The following SLC6A18 variants were observed in gnomAD, a reference collection of about 807,000 sequenced individuals.
SLC6A18 encodes the protein inactive sodium-dependent neutral amino acid transporter B(0)AT3.
A neutral mutation model predicts 62.9 loss-of-function variants in SLC6A18; 58 were observed. The ratio of observed to expected loss-of-function variants is 0.92; its 90% CI spans 0.75 to 1.15. The LOEUF is 1.15. Among genes scored for constraint, SLC6A18 ranks in the 50% most tolerant of loss-of-function variants. The probability of loss-of-function intolerance (pLI) is 0.00; values close to 1 mark genes in which losing one functional copy is unlikely to be tolerated. For missense variants in SLC6A18, 793 were observed against 836.6 expected, an observed-to-expected ratio of 0.95 and a Z score of 0.64; for synonymous variants, 382 against 365.8, an observed-to-expected ratio of 1.04 and a Z score of -0.51.
At chr5:1,231,091 T>C (rs994074284) in intron 1 of SLC6A18, among the ~76,000 whole-genome samples, 7 of 152,152 alleles carry the variant, frequency 4.6e-5, no homozygotes, top group African/African-American at 1.7e-4. Flanking sequence ...GAGGTCAAAT[T>C]GCAGGAATCG....
intron 2 of SLC6A18, 76 bp downstream of exon 2, chr5:1,232,435 G>T: frequency 6.5e-7 from 1 of 1,530,204 alleles, no homozygotes; most frequent in East Asian, 2.3e-5. Context: ...TGGGGCGGGG[G>T]CGGGTCCATG....
chr5:1,232,188 T>G, intron 1 of SLC6A18, 31 bp from the exon 2 acceptor site: 4 of 1,515,222 alleles, frequency 2.6e-6, no homozygotes, highest in Non-Finnish European at 3.6e-6. Flanking sequence ...CCCCCGACCC[T>G]GGGCAGGTGC....
rs777767601 is a variant in SLC6A18, at chr5:1,240,602, C to T, written c.917C>T (p.Ala306Val). 19 of 1,614,102 alleles carry T rather than the reference C, an allele frequency of 1.2e-5. No individual in the cohort carries two copies. Among genetic ancestry groups the T allele is most frequent in the Non-Finnish European group, 1.6e-5 (19 of 1,180,052 alleles). Reference protein sequence around the residue: ...NRMTSLYASIAVFSVLGFKAT... With the variant: ...NRMTSLYASIVVFSVLGFKAT... The stretch of plus-strand genomic sequence containing the variant: ...ATGACCTCCCTGTACGCGTCCATCG[C>T]TGTCTTCTCTGTCCTGGGGTTCAAA... Residue 306 changes from alanine to valine, a missense_variant, in exon 7 of 12, where the codon GCT (alanine) becomes GTT (valine). Physicochemically the swap from Ala to Val is moderately conservative, Grantham distance 64. Transcript: ENST00000324642.
chr5:1,243,471 G>A lies in SLC6A18; in HGVS notation c.1132-84G>A. On this transcript the variant is annotated intron_variant, in intron 8 of 11. Coordinates refer to ENST00000324642, the MANE Select transcript of SLC6A18 (RefSeq NM_182632.3). This position sits in a 1 kb window ranked among gnomAD's most constrained non-coding sequence, Gnocchi z 6.5. ...GTGCACTCGTGTCCTCGGCCTGGGA[G>A]AGTGTGTGTCCTGCAGGCAGGCGTG... is the stretch of plus-strand genomic sequence containing the variant. 1 of 1,478,578 alleles carries A rather than the reference G, an allele frequency of 6.8e-7. No individual in the cohort carries two copies. Among genetic ancestry groups the A allele is most frequent in the Non-Finnish European group, 9.3e-7 (1 of 1,078,440 alleles). 91.6% of individuals were successfully genotyped at this position (1,478,578 alleles called of 1,614,324 possible). A position where few individuals can be genotyped will look rare whatever the true frequency, so the allele number is the denominator to read the frequency against.
Position 1,243,659 on chromosome 5 carries a change from C to T in SLC6A18, c.1236C>T (p.Thr412=). The change falls in exon 9 of 12, where the codon ACC becomes ACT. Residue 412 remains threonine, a synonymous_variant. Transcript: ENST00000324642. The surrounding 1 kb of genome is among the most constrained non-coding windows in gnomAD (Gnocchi z 6.5). ...TGCTCTTCTTCGGGATGCTGTTCAC[C>T]TTGGGGCTATCGACCATGTTCGGGA... ...WAMLFFGMLF[T]LGLSTMFGTV... 6.2e-7 allele frequency: 1 copy of T among 1,614,092 alleles called. No individual in the cohort carries two copies. Among genetic ancestry groups the T allele is most frequent in the African/African-American group, 1.3e-5 (1 of 75,048 alleles).
chr5:1,244,178 C>T lies in SLC6A18; in HGVS notation c.1337-36C>T, dbSNP rs199930856. On this transcript the variant is annotated intron_variant, in intron 9 of 11. Coordinates refer to ENST00000324642, the MANE Select transcript of SLC6A18 (RefSeq NM_182632.3). ...CCCTCCCCACACCTCCACTCCCCATCCCCTTACCCCCCACACCCCTTTCCC... is the reference window on the plus strand; with the variant it reads ...CCCTCCCCACACCTCCACTCCCCATTCCCTTACCCCCCACACCCCTTTCCC... 3.8e-4 allele frequency: 223 copies of T among 593,870 alleles called. 1 individual carries two copies. In the African/African-American group the frequency reaches 4.1e-3, roughly 11 times the overall value. The allele number at this position is 593,870 out of a possible 1,614,324, so 36.8% of individuals were successfully genotyped here.
At chr5:1,238,264 T>C (rs866476448) in intron 5 of SLC6A18, among the ~76,000 whole-genome samples, 8 of 58,378 alleles carry the variant, frequency 1.4e-4, no homozygotes, top group Admixed American at 3.3e-4. Context: ...GGAGTGAGCC[T>C]GGGGCCTCAG....
intron 1 of SLC6A18, among the ~76,000 whole-genome samples, chr5:1,229,798 GT>G (rs1393352853): frequency 8.0e-5 from 12 of 150,300 alleles, no homozygotes; most frequent in Admixed American, 2.0e-4. Flanking sequence ...GGGAAGTGAT[GT>G]TTTCACAGTG....
chr5:1,242,894 A>G (rs7721679), intron 8 of SLC6A18, 31 bp downstream of exon 8: 1,377,968 of 1,567,450 alleles, frequency 0.88, 607,027 homozygotes, highest in East Asian at 0.99. Context: ...GTAGCCAGGC[A>G]GGGCCGTCCA....
At chr5:1,231,415 G>T (rs1746727520) in intron 1 of SLC6A18, among the ~76,000 whole-genome samples, 2 of 152,174 alleles carry the variant, frequency 1.3e-5, no homozygotes, top group Admixed American at 1.3e-4. Context: ...GTCCAGCCCT[G>T]ATGCAGCTCT....
intron 7 of SLC6A18, 50 bp downstream of exon 7, chr5:1,240,709 G>T: frequency 6.2e-7 from 1 of 1,606,166 alleles, no homozygotes; most frequent in Non-Finnish European, 8.5e-7. Flanking sequence ...CGCCAGACAG[G>T]TGCCTGCCGC....
rs1002487353 is a variant in SLC6A18, at chr5:1,240,739, G to T, written c.974+80G>T. 3.0e-5 allele frequency: 47 copies of T among 1,577,280 alleles called. No individual in the cohort carries two copies. In the African/African-American group the frequency reaches 5.9e-4, roughly 20 times the overall value. On this transcript the variant is annotated intron_variant, in intron 7 of 11. Coordinates refer to ENST00000324642, the MANE Select transcript of SLC6A18 (RefSeq NM_182632.3). Reference sequence around the variant, plus strand: ...TGCCGCACCGAGAATCCCAAGGCATGAGGAAGGGTGGCGTGGGCACATTTC... The same window carrying T: ...TGCCGCACCGAGAATCCCAAGGCATTAGGAAGGGTGGCGTGGGCACATTTC...
intron 5 of SLC6A18, among the ~76,000 whole-genome samples, chr5:1,239,025 A>G (rs1746977831): frequency 6.6e-6 from 1 of 152,092 alleles, no homozygotes; most frequent in Non-Finnish European, 1.5e-5. Flanking sequence ...CTAGCAAAAG[A>G]CAGAGGACAC....
In SLC6A18 at chr5:1,245,786, A is replaced by T. The variant is rs1489796112; in HGVS notation, c.1657-62A>T. The T allele has an allele frequency of 2.7e-6, 4 of 1,507,392 alleles. No homozygotes were observed. The African/African-American group carries it at 4.2e-5, about 16-fold the overall frequency. The allele number at this position is 1,507,392 out of a possible 1,614,324, so 93.4% of individuals were successfully genotyped here. ...GCTCTTGCCCCTTGGATTGAGGAGCACGGGGGTCAGCCTCACGGCCCAGGG... is the reference window on the plus strand; with the variant it reads ...GCTCTTGCCCCTTGGATTGAGGAGCTCGGGGGTCAGCCTCACGGCCCAGGG... On this transcript the variant is annotated intron_variant, in intron 11 of 11. Coordinates refer to ENST00000324642, the MANE Select transcript of SLC6A18 (RefSeq NM_182632.3).
Position 1,239,554 on chromosome 5 carries a change from C to T in SLC6A18, c.837C>T (p.Asn279=), listed in dbSNP as rs551847161. The change falls in exon 6 of 12, where the codon AAC becomes AAT. Residue 279 remains asparagine (N), a synonymous_variant. Transcript: ENST00000324642. ...GACACATCGCTTTTGCAAGTTACAA[C>T]TCGCCCAGGTAGGCAGTCGGGCTCA... ...FGGHIAFASY[N]SPRNDCQKDA... 3 of 1,613,864 alleles carry T rather than the reference C, an allele frequency of 1.9e-6. No individual in the cohort carries two copies. The highest frequency in any genetic ancestry group is 1.1e-5 in the South Asian group (1 of 91,070).
chr5:1,234,777 C>A (rs1227501969), intron 3 of SLC6A18, among the ~76,000 whole-genome samples: 1 of 152,248 alleles, frequency 6.6e-6, no homozygotes, highest in African/African-American at 2.4e-5. Flanking sequence ...CAATGACTGG[C>A]AGGGCCTTAG....
chr5:1,243,796 C>A lies in SLC6A18; in HGVS notation c.1336+37C>A. 1 of 1,545,392 alleles carries A rather than the reference C, an allele frequency of 6.5e-7. No individual in the cohort carries two copies. Among genetic ancestry groups the A allele is most frequent in the Non-Finnish European group, 8.7e-7 (1 of 1,143,854 alleles). On this transcript the variant is annotated intron_variant, in intron 9 of 11. Coordinates refer to ENST00000324642, the MANE Select transcript of SLC6A18 (RefSeq NM_182632.3). This position sits in a 1 kb window ranked among gnomAD's most constrained non-coding sequence, Gnocchi z 6.5. Reference sequence around the variant, plus strand: ...GCTCCGCCGCCCTGGAGGACCCGTCCCCAGCATCTGACTGTCCACTCCCGC... The same window carrying A: ...GCTCCGCCGCCCTGGAGGACCCGTCACCAGCATCTGACTGTCCACTCCCGC...
intron 3 of SLC6A18, among the ~76,000 whole-genome samples, chr5:1,233,089 C>T (rs575271877): frequency 4.6e-5 from 7 of 152,268 alleles, no homozygotes; most frequent in African/African-American, 9.6e-5. Context: ...ATGACCTCCA[C>T]GCTGTGCTGT....
At chr5:1,231,773 G>A (rs557896850) in intron 1 of SLC6A18, among the ~76,000 whole-genome samples, 2 of 152,270 alleles carry the variant, frequency 1.3e-5, no homozygotes, top group African/African-American at 4.8e-5. Flanking sequence ...TTTTCCCATG[G>A]GGAGGCTGAT....
Sources: allele counts gnomAD v4.1 joint callset (sites outside exome capture counted in the v4.1 genomes callset), GRCh38; gene constraint gnomAD v4.1.1; non-coding constraint Gnocchi (gnomAD v3.1); transcripts MANE v1.5; gene names NCBI Gene and HGNC (gene_info 2026-07-23, HGNC 2026-07-21).